The following ERMARD variants were observed in gnomAD, a reference collection of about 807,000 sequenced individuals.
ERMARD encodes the protein ER membrane associated RNA degradation, also known as endoplasmic reticulum membrane-associated RNA degradation protein.
Under a neutral mutation model 83.9 loss-of-function variants are expected in ERMARD, and 71 were observed. The ratio of observed to expected loss-of-function variants is 0.85; its 90% CI spans 0.70 to 1.03. The LOEUF is 1.03. ERMARD is among the 50% of genes least tolerant of loss of function. The pLI is 0.00. For synonymous variants in ERMARD, 284 were observed against 298.6 expected, an observed-to-expected ratio of 0.95 and a Z score of 0.50; for missense variants, 838 against 810.9, an observed-to-expected ratio of 1.03 and a Z score of -0.41.
chr6:169,760,531 C>CG, intron 7 of ERMARD, 111 bp from the exon 8 acceptor site: 1 of 734,576 alleles, frequency 1.4e-6, no homozygotes, highest in Non-Finnish European at 2.3e-6. Context: ...GCAGGGGTCA[C>CG]GGTTCAGCCA....
At chr6:169,775,862 C>T in intron 14 of ERMARD, 78 bp from the exon 15 acceptor site, 4 of 1,536,984 alleles carry the variant, frequency 2.6e-6, no homozygotes, top group African/African-American at 1.4e-5. Flanking sequence ...CTCAGTGAAC[C>T]ATTGAACATT....
rs200218286 is a variant in ERMARD at position 169,776,000 on chromosome 6, G to A, written c.1455G>A (p.Glu485=). 7 of 1,614,200 alleles carry A rather than the reference G, an allele frequency of 4.3e-6. No individual in the cohort carries two copies. In the East Asian group the frequency reaches 1.3e-4, roughly 31 times the overall value. ...CHSLITKMTD[E]LYHHMPENRC... ...CTTTGATTACAAAAATGACGGATGA[G>A]CTGTATCACCATATGCCTGAGAATC... Residue 485 remains glutamate, a synonymous_variant, in exon 15 of 18, where the codon GAG becomes GAA. Coordinates refer to ENST00000366773, the MANE Select transcript of ERMARD (RefSeq NM_018341.3).
intron 1 of ERMARD, 124 bp from the exon 2 acceptor site, chr6:169,753,740 C>A: frequency 1.7e-6 from 1 of 600,560 alleles, no homozygotes; most frequent in South Asian, 4.1e-5. Context: ...TCACGATATC[C>A]AGAAAGCATG....
intron 2 of ERMARD, among the ~76,000 whole-genome samples, chr6:169,754,648 G>T (rs1367204631): frequency 6.6e-6 from 1 of 152,044 alleles, no homozygotes; most frequent in East Asian, 1.9e-4. Context: ...TCATATAATG[G>T]AATATTATGC....
At chr6:169,758,832 G>T in intron 5 of ERMARD, 136 bp from the exon 6 acceptor site, 1 of 666,132 alleles carries the variant, frequency 1.5e-6, no homozygotes, top group East Asian at 2.7e-5. Flanking sequence ...GTAAATGTTG[G>T]TTTTATTATT....
In ERMARD at chr6:169,781,576, C is replaced by A. The variant is rs1256776766; in HGVS notation, c.*63C>A. The stretch of plus-strand genomic sequence containing the variant: ...TTTAACAGCGTGTAAATTAAAAACC[C>A]AAAGACAGGGTGGAGTTGAGGGTCT... On this transcript the variant is annotated 3_prime_UTR_variant, in exon 18 of 18. Transcript: ENST00000366773. 1 of 1,457,432 alleles carries A rather than the reference C, an allele frequency of 6.9e-7. No individual in the cohort carries two copies. 90.3% of individuals were successfully genotyped at this position (1,457,432 alleles called of 1,614,324 possible). A position where few individuals can be genotyped will look rare whatever the true frequency, so the allele number is the denominator to read the frequency against.
chr6:169,773,201 A>G (rs1793180385), intron 12 of ERMARD, 118 bp from the exon 13 acceptor site: 4 of 790,974 alleles, frequency 5.1e-6, no homozygotes, highest in East Asian at 2.6e-5. Context: ...TTCTAGCTGC[A>G]TAGAATTATT....
In ERMARD at chr6:169,755,437, C is replaced by G. The variant is rs1412505779; in HGVS notation, c.315+15C>G. The G allele has an allele frequency of 1.2e-6, 2 of 1,613,538 alleles. No individual in the cohort carries two copies. Among genetic ancestry groups the G allele is most frequent in the Non-Finnish European group, 1.7e-6 (2 of 1,179,854 alleles). On this transcript the variant is annotated intron_variant, in intron 3 of 17. Transcript: ENST00000366773. ...GTTTTCCAGAGGTTTGGCTTTTGAA[C>G]AACCTTTAGAAATAAAAGACTGTGC...
rs780809667 is a variant in ERMARD, at chr6:169,781,393, C to T, written c.1917C>T (p.Asn639=). The change falls in exon 18 of 18, where the codon AAC becomes AAT. Residue 639 remains asparagine (N), a synonymous_variant. Coordinates refer to ENST00000366773, the MANE Select transcript of ERMARD (RefSeq NM_018341.3). ...TGGCTTACACCAGTTACGAAAAGAA[C>T]AAGTGGAATGAAACTATCAATCTTA... ...NLVAYTSYEK[N]KWNETINLTH... 4.3e-6 allele frequency: 7 copies of T among 1,613,064 alleles called. No individual in the cohort carries two copies. The highest frequency in any genetic ancestry group is 5.9e-6 in the Non-Finnish European group (7 of 1,179,764).
chr6:169,766,980 A>G, intron 10 of ERMARD: 1 of 272,902 alleles, frequency 3.7e-6, no homozygotes, highest in Non-Finnish European at 6.8e-6. Context: ...TGTACAGGAA[A>G]TATTCCCCGC....
chr6:169,776,697 G>A (rs1319575195), intron 16 of ERMARD, 24 bp downstream of exon 16: 5 of 1,611,054 alleles, frequency 3.1e-6, no homozygotes, highest in Non-Finnish European at 4.2e-6. Flanking sequence ...TTCCTGTTTT[G>A]GAGGGGCACT....
At position 169,758,973 on chromosome 6, in the gene ERMARD, T is replaced by G. The variant is rs1274562441; in HGVS notation, c.513T>G (p.Asn171Lys). The stretch of plus-strand genomic sequence containing the variant: ...TGTAATGATTTGCGGATTAGATGAA[T>G]GTGCTAAAAGTCTTCGTTGGCTCTC... Reference protein sequence around the residue: ...LAQVFSQSVMNVLKVFVGSPC... With the variant: ...LAQVFSQSVMKVLKVFVGSPC... Residue 171 changes from asparagine (N) to lysine (K), a missense_variant, in exon 6 of 18, where the codon AAT (asparagine) becomes AAG (lysine). Asn to Lys is a moderately conservative substitution (Grantham distance 94). Transcript: ENST00000366773. 2 of 1,613,244 alleles carry G rather than the reference T, an allele frequency of 1.2e-6. No individual in the cohort carries two copies. The highest frequency in any genetic ancestry group is 1.3e-5 in the African/African-American group (1 of 74,914).
rs538859014 is a variant in ERMARD at position 169,781,431 on chromosome 6, T to A, written c.1955T>A (p.Leu652Ter). 2 of 1,612,910 alleles carry A rather than the reference T, an allele frequency of 1.2e-6. No individual in the cohort carries two copies. Among genetic ancestry groups the A allele is most frequent in the South Asian group, 2.2e-5 (2 of 90,396 alleles). The change falls in exon 18 of 18, where the codon TTG becomes TAG. Residue 652 changes from leucine (L) to a stop codon, truncating the protein, a stop_gained. Transcript: ENST00000366773. LOFTEE classifies it low-confidence loss of function (END_TRUNC). ...NETINLTHTALLKMWTFSEKK... is the reference protein window; with the variant it reads ...NETINLTHTA Reference sequence around the variant, plus strand: ...ACTATCAATCTTACACATACAGCTTTGTTGAAAATGTGGACTTTTAGTGAG... The same window carrying A: ...ACTATCAATCTTACACATACAGCTTAGTTGAAAATGTGGACTTTTAGTGAG...
intron 14 of ERMARD, 106 bp from the exon 15 acceptor site, chr6:169,775,834 T>G: frequency 7.3e-7 from 1 of 1,362,578 alleles, no homozygotes; most frequent in South Asian, 1.4e-5. Flanking sequence ...GAAAGTGAGA[T>G]TCACAGTCAG....
chr6:169,766,722 TA>T, intron 10 of ERMARD, 55 bp downstream of exon 10: 1 of 1,497,908 alleles, frequency 6.7e-7, no homozygotes, highest in South Asian at 1.3e-5. Flanking sequence ...TGTCTTCTTT[TA>T]AAATACAAAT....
In ERMARD at chr6:169,755,425, T is replaced by A. The variant is rs1361824784; in HGVS notation, c.315+3T>A. On this transcript the variant is annotated splice_donor_region_variant and intron_variant, in intron 3 of 17. Transcript: ENST00000366773. ...TCCAGTGGACAAGTTTTCCAGAGGT[T>A]TGGCTTTTGAACAACCTTTAGAAAT... 10 of 1,614,018 alleles carry A rather than the reference T, an allele frequency of 6.2e-6. No individual in the cohort carries two copies. The highest frequency in any genetic ancestry group is 8.5e-6 in the Non-Finnish European group (10 of 1,179,978).
Position 169,758,967 on chromosome 6 carries a change from G to A in ERMARD, c.508-1G>A. 6.2e-7 allele frequency: 1 copy of A among 1,612,450 alleles called. No individual in the cohort carries two copies. The highest frequency in any genetic ancestry group is 8.5e-7 in the Non-Finnish European group (1 of 1,179,158). On this transcript the variant is annotated splice_acceptor_variant, in intron 5 of 17. Coordinates refer to ENST00000366773, the MANE Select transcript of ERMARD (RefSeq NM_018341.3). LOFTEE classifies it high-confidence loss of function. ...TAACTATGTAATGATTTGCGGATTA[G>A]ATGAATGTGCTAAAAGTCTTCGTTG... is the stretch of plus-strand genomic sequence containing the variant.
chr6:169,760,823 A>G (rs753097690), intron 8 of ERMARD, 67 bp downstream of exon 8: 28 of 1,084,266 alleles, frequency 2.6e-5, no homozygotes, highest in Non-Finnish European at 3.6e-5. Context: ...GATGCCCTTC[A>G]CTTTCGATGC....
At chr6:169,780,862 AAAAAC>A (rs1439128712) in intron 17 of ERMARD, among the ~76,000 whole-genome samples, 1 of 152,242 alleles carries the variant, frequency 6.6e-6, no homozygotes, top group Middle Eastern at 3.2e-3. Context: ...TGTGGGAAAA[AAAAAC>A]AAAACACAAA....
Sources: allele counts gnomAD v4.1 joint callset (sites outside exome capture counted in the v4.1 genomes callset), GRCh38; gene constraint gnomAD v4.1.1; transcripts MANE v1.5; gene names NCBI Gene and HGNC (gene_info 2026-07-23, HGNC 2026-07-21).